The following SGO2 variants were observed in gnomAD, a reference collection of about 807,000 sequenced individuals.
The protein encoded by SGO2 is shugoshin 2.
In SGO2, 68 loss-of-function variants were observed where a neutral mutation model predicts 99.5. The ratio of observed to expected loss-of-function variants is 0.68; its 90% CI spans 0.56 to 0.84. The LOEUF is 0.84. Among genes scored for constraint, SGO2 ranks in the 40% least tolerant of loss-of-function variants. The probability of loss-of-function intolerance (pLI) is 0.00; values close to 1 mark genes in which losing one functional copy is unlikely to be tolerated. For synonymous variants in SGO2, 457 were observed against 487.1 expected (o/e 0.94, Z 0.81); for missense variants, 1,350 against 1,436.7 (o/e 0.94, Z 0.97).
intron 5 of SGO2, among the ~76,000 whole-genome samples, chr2:200,560,312 A>G (rs1009402465): frequency 1.3e-5 from 2 of 152,110 alleles, no homozygotes; most frequent in African/African-American, 4.8e-5. Flanking sequence ...TTTCCATGAT[A>G]TATCTTTTTC....
intron 2 of SGO2, among the ~76,000 whole-genome samples, chr2:200,533,640 G>A (rs1307839330): frequency 6.7e-5 from 10 of 148,876 alleles, no homozygotes; most frequent in African/African-American, 2.5e-4. Flanking sequence ...CATCAGAAGG[G>A]CAAAAAAAAA....
Position 200,572,386 on chromosome 2 carries a change from A to T in SGO2, c.2040A>T (p.Gln680His), listed in dbSNP as rs764123106. Residue 680 changes from glutamine (Q) to histidine (H), a missense_variant, in exon 7 of 9, where the codon CAA becomes CAT. Physicochemically the swap from Gln to His is conservative, Grantham distance 24 (BLOSUM62 0). Coordinates refer to ENST00000357799, the MANE Select transcript of SGO2 (RefSeq NM_152524.6). ...TTTCTACTAGAGATAATGAAAATCA[A>T]TGTGACTATAGGACCCAGAATGTGT... The part of the protein sequence containing the change: ...PALSTRDNEN[Q>H]CDYRTQNVLG... 6.2e-7 allele frequency: 1 copy of T among 1,613,554 alleles called. No individual in the cohort carries two copies. The highest frequency in any genetic ancestry group is 1.1e-5 in the South Asian group (1 of 91,018).
At chr2:200,546,444 A>T (rs1344431876) in intron 5 of SGO2, among the ~76,000 whole-genome samples, 1 of 151,998 alleles carries the variant, frequency 6.6e-6, no homozygotes, top group African/African-American at 2.4e-5. Flanking sequence ...ACTGGAATAA[A>T]TAATCCTTCA....
rs1050319612 is a variant in SGO2, at chr2:200,582,265, G to A, written c.3783-1184G>A. On this transcript the variant is annotated intron_variant, in intron 8 of 8. Transcript: ENST00000357799. The stretch of plus-strand genomic sequence containing the variant: ...ATCAAATGATAGCAGGAACTCAGAG[G>A]GGAACTGACCTTATCCTGAAGATAT... Among the ~76,000 whole-genome samples, 3 of 152,134 alleles carry A rather than the reference G, an allele frequency of 2.0e-5. No homozygotes were observed. The East Asian group carries it at 5.8e-4, about 29-fold the overall frequency.
At chr2:200,543,849 T>C (rs2032079725) in intron 5 of SGO2, among the ~76,000 whole-genome samples, 1 of 152,226 alleles carries the variant, frequency 6.6e-6, no homozygotes, top group African/African-American at 2.4e-5. Flanking sequence ...AATTGTATTG[T>C]GTGTCTTTAA....
At chr2:200,531,591 G>A (rs897817181) in intron 1 of SGO2, among the ~76,000 whole-genome samples, 1 of 152,176 alleles carries the variant, frequency 6.6e-6, no homozygotes, top group Non-Finnish European at 1.5e-5. Flanking sequence ...GGTTGATGAT[G>A]GAATGTGAGT....
chr2:200,575,253 C>G, intron 7 of SGO2, 58 bp from the exon 8 acceptor site: 2 of 1,087,132 alleles, frequency 1.8e-6, no homozygotes, highest in Non-Finnish European at 2.5e-6. Context: ...TAGCTCATAT[C>G]TATTTGTATC....
intron 4 of SGO2, among the ~76,000 whole-genome samples, chr2:200,542,246 A>C (rs1007480911): frequency 8.5e-5 from 13 of 152,200 alleles, no homozygotes; most frequent in African/African-American, 2.9e-4. Context: ...TATAAAATTC[A>C]ATAAAATATT....
At chr2:200,531,185 A>G (rs2031360468) in intron 1 of SGO2, among the ~76,000 whole-genome samples, 1 of 152,218 alleles carries the variant, frequency 6.6e-6, no homozygotes, top group African/African-American at 2.4e-5. Flanking sequence ...AACAGGAGAG[A>G]AAACAGATAC....
rs572336343 is a variant in SGO2 at position 200,576,237 on chromosome 2, T to C, written c.3782+776T>C. 2.8e-4 allele frequency: 72 copies of C among 254,030 alleles called. 1 individual carries two copies. The Admixed American group carries it at 3.3e-3, about 12-fold the overall frequency. The allele number at this position is 254,030 out of a possible 1,614,324, so 15.7% of individuals were successfully genotyped here. ...GGGCCTTTTTTTTTTCTTTTTTCTT[T>C]TTTTTTTAAACAGCTATTGAGAGAT... is the stretch of plus-strand genomic sequence containing the variant. On this transcript the variant is annotated intron_variant, in intron 8 of 8. Transcript: ENST00000357799.
chr2:200,545,623 C>G (rs7607860), intron 5 of SGO2, among the ~76,000 whole-genome samples: 1 of 151,610 alleles, frequency 6.6e-6, no homozygotes, highest in Non-Finnish European at 1.5e-5. Flanking sequence ...AGATACTTCC[C>G]GGGGCCAAAA....
chr2:200,567,306 G>A (rs957396427), intron 5 of SGO2, among the ~76,000 whole-genome samples: 1 of 152,160 alleles, frequency 6.6e-6, no homozygotes, highest in Non-Finnish European at 1.5e-5. Context: ...AGCTAGAGGT[G>A]TGTCAGTTTT....
chr2:200,554,906 A>T (rs1480167084), intron 5 of SGO2, among the ~76,000 whole-genome samples: 1 of 152,096 alleles, frequency 6.6e-6, no homozygotes, highest in African/African-American at 2.4e-5. Context: ...CCCTTTATAA[A>T]TTTTTTTTAA....
intron 8 of SGO2, 47 bp from the exon 9 acceptor site, chr2:200,583,402 C>T (rs756361546): frequency 6.5e-7 from 1 of 1,536,256 alleles, no homozygotes; most frequent in Admixed American, 1.9e-5. Context: ...ACAGCAAAAG[C>T]ATTAATTTTG....
At chr2:200,540,099 T>C (rs1049697290) in intron 4 of SGO2, among the ~76,000 whole-genome samples, 6 of 152,230 alleles carry the variant, frequency 3.9e-5, no homozygotes, top group African/African-American at 1.4e-4. Flanking sequence ...TGTTCCATTT[T>C]TTCATTTGTT....
chr2:200,537,177 G>A (rs965939484), intron 4 of SGO2, among the ~76,000 whole-genome samples: 1 of 151,970 alleles, frequency 6.6e-6, no homozygotes, highest in African/African-American at 2.4e-5. Context: ...GGACACTTGG[G>A]TTATCCTTTG....
chr2:200,572,597 A>G lies in SGO2; in HGVS notation c.2251A>G (p.Lys751Glu), dbSNP rs1292593144. 1 of 1,613,068 alleles carries G rather than the reference A, an allele frequency of 6.2e-7. No individual in the cohort carries two copies. Among genetic ancestry groups the G allele is most frequent in the East Asian group, 2.2e-5 (1 of 44,850 alleles). Reference sequence around the variant, plus strand: ...CTCACTCTTTTTAACGCAAAAAGATAAGGAAATCATCCCTGGAAACCTAGA... The same window carrying G: ...CTCACTCTTTTTAACGCAAAAAGATGAGGAAATCATCCCTGGAAACCTAGA... The part of the protein sequence containing the change: ...SHSLFLTQKD[K>E]EIIPGNLEDP... The change falls in exon 7 of 9, where the codon AAG becomes GAG. Residue 751 changes from lysine (K) to glutamate (E), a missense_variant. By Grantham distance (56) the Lys-to-Glu change is moderately conservative (BLOSUM62 1). Coordinates refer to ENST00000357799, the MANE Select transcript of SGO2 (RefSeq NM_152524.6).
chr2:200,533,060 ACT>A lies in SGO2; in HGVS notation c.86_87del (p.Thr29LysfsTer17). 6.3e-7 allele frequency: 1 copy of A among 1,599,368 alleles called. No individual in the cohort carries two copies. Among genetic ancestry groups the A allele is most frequent in the Non-Finnish European group, 8.5e-7 (1 of 1,176,138 alleles). On this transcript the variant is annotated frameshift_variant, in exon 2 of 9. Coordinates refer to ENST00000357799, the MANE Select transcript of SGO2 (RefSeq NM_152524.6). LOFTEE classifies it high-confidence loss of function. ...HLKDKRISKT[T>X]KLNVSLASKI... The stretch of plus-strand genomic sequence containing the variant: ...GAAAGACAAAAGAATTTCAAAGACT[ACT>A]AAGTTGAATGTTTCTCTTGCTTCAA...
intron 5 of SGO2, among the ~76,000 whole-genome samples, chr2:200,551,035 G>A (rs1037298794): frequency 2.6e-5 from 4 of 151,048 alleles, no homozygotes; most frequent in Non-Finnish European, 5.9e-5. Context: ...TGGTAGAAAT[G>A]TAAATTAACA....
Sources: gnomAD v4.1 joint callset for allele counts (sites outside exome capture counted in the v4.1 genomes callset) on GRCh38, gnomAD v4.1.1 for gene constraint, MANE v1.5 for transcripts, NCBI Gene and HGNC (gene_info 2026-07-23, HGNC 2026-07-21) for gene names.